The following MOBP variants were observed in gnomAD, a reference collection of about 807,000 sequenced individuals.
MOBP encodes the protein myelin associated oligodendrocyte basic protein, also known as myelin-associated oligodendrocyte basic protein.
Under a neutral mutation model 15.0 loss-of-function variants are expected in MOBP, and 5 were observed. The ratio of observed to expected loss-of-function variants is 0.33; its 90% confidence interval spans 0.17 to 0.70. The LOEUF is 0.70. MOBP is among the 30% of genes least tolerant of loss of function. The pLI is 0.67. For missense variants in MOBP, 188 were observed against 257.8 expected (o/e 0.73, Z 1.85); for synonymous variants, 88 against 99.0 (o/e 0.89, Z 0.66).
intron 2 of MOBP, among the ~76,000 whole-genome samples, chr3:39,496,659 A>G (rs1394641571): frequency 7.9e-6 from 1 of 126,618 alleles, no homozygotes; most frequent in Non-Finnish European, 1.6e-5. Flanking sequence ...ACGCCCGGCT[A>G]ATTTTTTTTT....
downstream of MOBP, among the ~76,000 whole-genome samples, chr3:39,519,770 C>G (rs1392830301): frequency 6.6e-6 from 1 of 152,092 alleles, no homozygotes; most frequent in African/African-American, 2.4e-5. Flanking sequence ...ATCTGATTTG[C>G]TCACTGCCTC....
At chr3:39,507,325 G>A (rs2043061285), downstream of MOBP, among the ~76,000 whole-genome samples, 2 of 152,164 alleles carry the variant, frequency 1.3e-5, no homozygotes, top group African/African-American at 2.4e-5. Context: ...TAAGCACATT[G>A]TAACTTCCAA....
At chr3:39,513,530 C>T in exon 5 of MOBP, 1 of 1,125,708 alleles carries the variant, frequency 8.9e-7, no homozygotes, top group South Asian at 1.4e-5. Context: ...TATGCAGGGG[C>T]AAACACCTGC....
At position 39,502,518 on chromosome 3, in the gene MOBP, T is replaced by G. The variant is rs759007099; in HGVS notation, c.207-17T>G. The G allele has an allele frequency of 1.9e-6, 3 of 1,569,746 alleles. No individual in the cohort carries two copies. Among genetic ancestry groups the G allele is most frequent in the African/African-American group, 1.3e-5 (1 of 74,272 alleles). On this transcript the variant is annotated splice_polypyrimidine_tract_variant and intron_variant, in intron 3 of 3. Transcript: ENST00000684792. The surrounding 1 kb of genome is among the most constrained non-coding windows in gnomAD (Gnocchi z 6.3). ...AGAGCCCTGGCTCCCGCCTCCAGCTTCTTTTGGCCCTCTCAGAACCAGCCG... is the reference window on the plus strand; with the variant it reads ...AGAGCCCTGGCTCCCGCCTCCAGCTGCTTTTGGCCCTCTCAGAACCAGCCG...
At chr3:39,499,995 A>G in intron 2 of MOBP, 1 of 455,832 alleles carries the variant, frequency 2.2e-6, no homozygotes, top group Non-Finnish European at 4.4e-6. Context: ...GCACCAGCAC[A>G]TTCTCATGTT....
Position 39,502,156 on chromosome 3 carries a change from G to T in MOBP, c.87G>T (p.Pro29=), listed in dbSNP as rs996119910. ...ACTTCAGCATACACTGCTGCCCGCC[G>T]TTCACCTTCCTCAATTCCAAGAAGG... ...SEHFSIHCCP[P]FTFLNSKKEI... is the part of the protein sequence containing the mutation. The change falls in exon 3 of 4, where the codon CCG becomes CCT. Residue 29 remains proline (P), a synonymous_variant. Coordinates refer to ENST00000684792, the MANE Select transcript of MOBP (RefSeq NM_001393704.1). The surrounding 1 kb of genome is among the most constrained non-coding windows in gnomAD (Gnocchi z 6.3). 2 of 1,614,100 alleles carry T rather than the reference G, an allele frequency of 1.2e-6. No homozygotes were observed. Among genetic ancestry groups the T allele is most frequent in the African/African-American group, 2.7e-5 (2 of 74,944 alleles).
intron 2 of MOBP, among the ~76,000 whole-genome samples, chr3:39,490,866 TC>T (rs146882083): frequency 0.024 from 3,582 of 152,258 alleles, 140 homozygotes; most frequent in African/African-American, 0.077. Context: ...CCTGGCCTCT[TC>T]CTTACAGTTT....
chr3:39,503,128 A>C, downstream of MOBP: 1 of 463,260 alleles, frequency 2.2e-6, no homozygotes, highest in South Asian at 5.5e-5. Context: ...GAAGTTGTTA[A>C]TCTATCAATT....
intron 2 of MOBP, among the ~76,000 whole-genome samples, chr3:39,496,300 G>A (rs1167254362): frequency 1.4e-5 from 2 of 147,212 alleles, no homozygotes; most frequent in African/African-American, 2.5e-5. Context: ...CCAGGTTCAC[G>A]CCATTCTCCT....
chr3:39,470,471 C>T (rs762072762), intron 1 of MOBP, among the ~76,000 whole-genome samples: 1 of 152,176 alleles, frequency 6.6e-6, no homozygotes, highest in African/African-American at 2.4e-5. Context: ...TGATTACACA[C>T]AGCTAGTGAA....
At chr3:39,468,965 T>A (rs558698097) in intron 1 of MOBP, among the ~76,000 whole-genome samples, 5 of 107,042 alleles carry the variant, frequency 4.7e-5, no homozygotes, top group Non-Finnish European at 8.5e-5. Context: ...TATACATATG[T>A]GTGTGTATAT....
At chr3:39,476,345 T>C (rs2042545130) in intron 1 of MOBP, among the ~76,000 whole-genome samples, 2 of 152,224 alleles carry the variant, frequency 1.3e-5, no homozygotes, top group South Asian at 4.1e-4. Flanking sequence ...TATTTCTTGC[T>C]ATTGGGGTGT....
intron 4 of MOBP, among the ~76,000 whole-genome samples, chr3:39,513,057 T>C (rs938580158): frequency 6.6e-6 from 1 of 152,230 alleles, no homozygotes; most frequent in African/African-American, 2.4e-5. Flanking sequence ...TAAAATATTT[T>C]TTCCAGGAGT....
rs2233201 is a variant in MOBP at position 39,502,047 on chromosome 3, T to C, written c.-4-19T>C. The C allele has an allele frequency of 4.5e-3, 7,269 of 1,609,842 alleles. 151 individuals carry two copies. In the African/African-American group the frequency reaches 0.047, roughly 10 times the overall value. ...TGCGTTTATGTCTCCTCCTGTCTCC[T>C]TGCATCGGCGATTTCCAGTGAGATG... On this transcript the variant is annotated intron_variant, in intron 2 of 3. Coordinates refer to ENST00000684792, the MANE Select transcript of MOBP (RefSeq NM_001393704.1). The surrounding 1 kb of genome is among the most constrained non-coding windows in gnomAD (Gnocchi z 6.3).
At chr3:39,513,034 C>T (rs1482209394) in intron 4 of MOBP, among the ~76,000 whole-genome samples, 4 of 152,138 alleles carry the variant, frequency 2.6e-5, no homozygotes, top group African/African-American at 4.8e-5. Flanking sequence ...CACATCTTTA[C>T]GTCTATAAGT....
chr3:39,509,646 G>T (rs1053277780), intron 4 of MOBP, among the ~76,000 whole-genome samples: 2 of 152,066 alleles, frequency 1.3e-5, no homozygotes, highest in African/African-American at 4.8e-5. Flanking sequence ...ATTTTCTCCA[G>T]GTCTGTGACT....
intron 3 of MOBP, among the ~76,000 whole-genome samples, chr3:39,521,959 G>C (rs190389937): frequency 6.6e-6 from 1 of 152,232 alleles, no homozygotes. Context: ...TCTTGTGGTG[G>C]TGAGTGGGTA....
At chr3:39,479,052 A>G (rs1419457705) in intron 1 of MOBP, among the ~76,000 whole-genome samples, 1 of 151,236 alleles carries the variant, frequency 6.6e-6, no homozygotes, top group Non-Finnish European at 1.5e-5. Flanking sequence ...CTGGTCTCGA[A>G]CTCCTGACCT....
intron 2 of MOBP, among the ~76,000 whole-genome samples, chr3:39,493,314 G>C (rs1444305760): frequency 6.6e-6 from 1 of 152,102 alleles, no homozygotes; most frequent in Non-Finnish European, 1.5e-5. Flanking sequence ...GTAATGAAAT[G>C]TGTATGTAAT....
Sources: gnomAD v4.1 joint callset for allele counts (sites outside exome capture counted in the v4.1 genomes callset) on GRCh38, gnomAD v4.1.1 for gene constraint, Gnocchi (gnomAD v3.1) non-coding constraint, MANE v1.5 for transcripts, NCBI Gene and HGNC (gene_info 2026-07-23, HGNC 2026-07-21) for gene names.